The following FAM222B variants were observed in gnomAD, a reference collection of about 807,000 sequenced individuals.
FAM222B encodes the protein protein FAM222B.
FAM222B carries 12 observed loss-of-function variants against 38.0 expected under a neutral mutation model. That is an observed-to-expected ratio of 0.32 (90% confidence interval 0.20 to 0.51). The LOEUF (loss-of-function observed/expected upper bound fraction) is 0.51, where lower values mean the gene tolerates loss of function less well. Among genes scored for constraint, FAM222B ranks in the 20% least tolerant of loss-of-function variants. FAM222B has a pLI of 0.97. For missense variants in FAM222B, 716 were observed against 754.2 expected, an observed-to-expected ratio of 0.95 and a Z score of 0.59; for synonymous variants, 329 against 317.2, an observed-to-expected ratio of 1.04 and a Z score of -0.40.
In FAM222B at chr17:28,759,802, C is replaced by T. The variant is rs758096239; in HGVS notation, c.157G>A (p.Ala53Thr). ...AELDAYAKKV[A>T]NNPLTIKIFP... is the part of the protein sequence containing the mutation. Reference sequence around the variant, plus strand: ...ATTTTTATAGTCAGTGGGTTGTTTGCGACCTTCTTAGCATACGCATCCAAT... The same window carrying T: ...ATTTTTATAGTCAGTGGGTTGTTTGTGACCTTCTTAGCATACGCATCCAAT... The change falls in exon 3 of 3, where the codon GCA becomes ACA. Residue 53 changes from alanine to threonine, a missense_variant. Ala to Thr is a moderately conservative substitution (Grantham distance 58, BLOSUM62 0). Transcript: ENST00000581407. This position sits in a 1 kb window ranked among gnomAD's most constrained non-coding sequence, Gnocchi z 4.8. 5.6e-6 allele frequency: 9 copies of T among 1,607,232 alleles called. No individual in the cohort carries two copies. Among genetic ancestry groups the T allele is most frequent in the African/African-American group, 1.3e-5 (1 of 74,896 alleles).
intron 1 of FAM222B, among the ~76,000 whole-genome samples, chr17:28,836,489 G>A (rs1272789486): frequency 1.3e-5 from 2 of 152,066 alleles, no homozygotes; most frequent in East Asian, 2.0e-4. Flanking sequence ...TTATTCGGCC[G>A]GGAGCTTCGG....
intron 1 of FAM222B, chr17:28,834,423 ATGATCC>A (rs1268339666): frequency 1.3e-5 from 2 of 152,148 alleles, no homozygotes; most frequent in Non-Finnish European, 2.9e-5. Context: ...CTCATACCCC[ATGATCC>A]TGCCACATTA....
At chr17:28,838,063 C>T (rs981903418) in intron 1 of FAM222B, among the ~76,000 whole-genome samples, 3 of 151,268 alleles carry the variant, frequency 2.0e-5, no homozygotes, top group Non-Finnish European at 4.4e-5. Flanking sequence ...GTCAGGAGTT[C>T]GAGACCAGAC....
chr17:28,797,752 C>T (rs1178406677), intron 1 of FAM222B, among the ~76,000 whole-genome samples: 1 of 152,150 alleles, frequency 6.6e-6, no homozygotes, highest in African/African-American at 2.4e-5. Flanking sequence ...TCATCAGCCC[C>T]ATTTTCACAT....
chr17:28,796,112 G>C (rs941078222), intron 1 of FAM222B, among the ~76,000 whole-genome samples: 1 of 152,140 alleles, frequency 6.6e-6, no homozygotes, highest in African/African-American at 2.4e-5. Context: ...GTGTCATACC[G>C]GTTATTAAAA....
chr17:28,783,446 T>C (rs1430258839), intron 1 of FAM222B, among the ~76,000 whole-genome samples: 1 of 152,048 alleles, frequency 6.6e-6, no homozygotes, highest in Non-Finnish European at 1.5e-5. Context: ...GCTCTTTGCA[T>C]TTACCAGCTG....
chr17:28,820,965 T>A (rs926440586), intron 1 of FAM222B, among the ~76,000 whole-genome samples: 3 of 150,708 alleles, frequency 2.0e-5, no homozygotes, highest in African/African-American at 4.9e-5. Flanking sequence ...TATTTTATTT[T>A]TTTTTTTTTG....
upstream of FAM222B, among the ~76,000 whole-genome samples, chr17:28,846,202 C>A (rs1173915448): frequency 3.1e-4 from 38 of 120,686 alleles, no homozygotes; most frequent in Non-Finnish European, 3.5e-4. Flanking sequence ...GACTCCATCT[C>A]AAAAAAAAAA....
upstream of FAM222B, among the ~76,000 whole-genome samples, chr17:28,843,699 C>T (rs551001967): frequency 6.6e-6 from 1 of 152,190 alleles, no homozygotes; most frequent in Non-Finnish European, 1.5e-5. Flanking sequence ...TCGCCCGCCC[C>T]GGCCTCCCAA....
At chr17:28,825,446 A>C (rs914067668) in intron 1 of FAM222B, among the ~76,000 whole-genome samples, 4 of 151,618 alleles carry the variant, frequency 2.6e-5, no homozygotes, top group South Asian at 2.1e-4. Flanking sequence ...AAAAAAAAAA[A>C]AAAAAAAAAC....
chr17:28,833,720 A>C (rs1310638677), intron 1 of FAM222B, among the ~76,000 whole-genome samples: 3 of 152,142 alleles, frequency 2.0e-5, no homozygotes, highest in Admixed American at 6.6e-5. Context: ...CATTCCTGCA[A>C]AACTAATCTC....
rs2034801216 is a variant in FAM222B at position 28,758,162 on chromosome 17, G to C, written c.*108C>G. On this transcript the variant is annotated 3_prime_UTR_variant, in exon 3 of 3. Transcript: ENST00000581407. ...CAAATTCCCTTTCTTAGACATCTAA[G>C]AATGATCACACTGGAGCAGTGAAAC... is the stretch of plus-strand genomic sequence containing the variant. The C allele has an allele frequency of 1.0e-6, 1 of 1,002,248 alleles. No individual in the cohort carries two copies. The allele number at this position is 1,002,248 out of a possible 1,614,324, so 62.1% of individuals were successfully genotyped here. A position where few individuals can be genotyped will look rare whatever the true frequency, so the allele number is the denominator to read the frequency against.
At chr17:28,821,145 G>A (rs1315320864) in intron 1 of FAM222B, among the ~76,000 whole-genome samples, 1 of 151,826 alleles carries the variant, frequency 6.6e-6, no homozygotes, top group Non-Finnish European at 1.5e-5. Context: ...TAGTACAAAC[G>A]GGGTTTCACC....
At chr17:28,766,750 A>C in intron 1 of FAM222B, 43 bp from the exon 2 acceptor site, 235 of 1,140,846 alleles carry the variant, frequency 2.1e-4, no homozygotes, top group Non-Finnish European at 2.8e-4. Flanking sequence ...AAGGCAACTC[A>C]TTCGAAGAAG....
At chr17:28,810,261 A>C (rs1467131755) in intron 1 of FAM222B, among the ~76,000 whole-genome samples, 1 of 152,128 alleles carries the variant, frequency 6.6e-6, no homozygotes, top group African/African-American at 2.4e-5. Flanking sequence ...AAGTGCTGGG[A>C]TTACAGGAGC....
intron 1 of FAM222B, among the ~76,000 whole-genome samples, chr17:28,772,731 C>T (rs1697205748): frequency 6.6e-6 from 1 of 151,996 alleles, no homozygotes. Context: ...CCCATCTCTA[C>T]TAAAAATAGA....
At chr17:28,843,883 C>T (rs2039117948), upstream of FAM222B, among the ~76,000 whole-genome samples, 1 of 152,142 alleles carries the variant, frequency 6.6e-6, no homozygotes. Flanking sequence ...AAGGAGGTGA[C>T]CTCGCCTAGA....
intron 1 of FAM222B, among the ~76,000 whole-genome samples, chr17:28,785,214 CAT>C (rs1239346727): frequency 1.3e-5 from 2 of 152,170 alleles, no homozygotes; most frequent in Non-Finnish European, 2.9e-5. Flanking sequence ...AGTTCCTAGA[CAT>C]GTGATCATTC....
intron 1 of FAM222B, among the ~76,000 whole-genome samples, chr17:28,811,454 A>G (rs1038488829): frequency 6.6e-6 from 1 of 152,102 alleles, no homozygotes; most frequent in African/African-American, 2.4e-5. Flanking sequence ...ACAAAAACAA[A>G]AACAAAAAAA....
Sources: allele counts gnomAD v4.1 joint callset (sites outside exome capture counted in the v4.1 genomes callset), GRCh38; gene constraint gnomAD v4.1.1; non-coding constraint Gnocchi (gnomAD v3.1); transcripts MANE v1.5; gene names NCBI Gene and HGNC (gene_info 2026-07-23, HGNC 2026-07-21).